TUBE1: variants seen among roughly 807,000 people sequenced by gnomAD.
The protein encoded by TUBE1 is tubulin epsilon 1, also known as tubulin epsilon chain.
Under a neutral mutation model 53.5 loss-of-function variants are expected in TUBE1, and 34 were observed. That is an observed-to-expected ratio of 0.64 (90% CI 0.48 to 0.85). The LOEUF is 0.85. Ranked by LOEUF, TUBE1 falls within the 40% of genes least tolerant of loss-of-function variation. The pLI is 0.00. For synonymous variants in TUBE1, 177 were observed against 198.4 expected, an observed-to-expected ratio of 0.89 and a Z score of 0.91; for missense variants, 532 against 570.5, an observed-to-expected ratio of 0.93 and a Z score of 0.69.
At chr6:112,079,458 C>A (rs1386781714) in intron 6 of TUBE1, 175 bp downstream of exon 6, 25 of 433,428 alleles carry the variant, frequency 5.8e-5, no homozygotes, top group Middle Eastern at 5.6e-4. Context: ...AAAATAGTGA[C>A]ATAATTCCAC....
intron 8 of TUBE1, chr6:112,075,113 G>A (rs1448504686): frequency 5.5e-6 from 1 of 182,892 alleles, no homozygotes; most frequent in Non-Finnish European, 1.1e-5. Context: ...GGTTGCCCAG[G>A]CTGGAGTGTA....
intron 4 of TUBE1, among the ~76,000 whole-genome samples, chr6:112,083,649 T>C (rs187813938): frequency 3.9e-4 from 60 of 152,276 alleles, no homozygotes; most frequent in African/African-American, 1.3e-3. Context: ...TCTTTTCTAT[T>C]ATAGTCAAAG....
chr6:112,079,351 A>G (rs1029463664), intron 6 of TUBE1: 6 of 244,112 alleles, frequency 2.5e-5, no homozygotes, highest in Non-Finnish European at 3.8e-5. Flanking sequence ...AATGTTCTGT[A>G]AAAGAAACTA....
chr6:112,076,055 T>C lies in TUBE1; in HGVS notation c.694A>G (p.Thr232Ala), dbSNP rs782757892. ...ACCAGACTCTTTGGCTTCACAGTTGTACCCAACTTTCCAGAATTCACCATG... is the reference window on the plus strand; with the variant it reads ...ACCAGACTCTTTGGCTTCACAGTTGCACCCAACTTTCCAGAATTCACCATG... ...DLMVNSGKLG[T>A]TVKPKSLVTS... Residue 232 changes from threonine to alanine, a missense_variant, in exon 8 of 12, where the codon ACA (threonine) becomes GCA (alanine). By Grantham distance (58) the Thr-to-Ala change is moderately conservative. Transcript: ENST00000368662. 2.5e-6 allele frequency: 4 copies of C among 1,613,822 alleles called. No individual in the cohort carries two copies. The highest frequency in any genetic ancestry group is 3.4e-6 in the Non-Finnish European group (4 of 1,179,888).
At position 112,071,513 on chromosome 6, in the gene TUBE1, C is replaced by T. The variant is rs1442923021; in HGVS notation, c.1327G>A (p.Ala443Thr). ...ATGAGTGCTGATAAAGATGACACAG[C>T]TTCTGTGAAACAGCTTTCTTCCATC... is the stretch of plus-strand genomic sequence containing the variant. ...EGMEESCFTE[A>T]VSSLSALIQE... is the part of the protein sequence containing the mutation. The change falls in exon 12 of 12, where the codon GCT becomes ACT. Residue 443 changes from alanine to threonine, a missense_variant. Transcript: ENST00000368662. 6.2e-7 allele frequency: 1 copy of T among 1,612,192 alleles called. No homozygotes were observed. Among genetic ancestry groups the T allele is most frequent in the African/African-American group, 1.3e-5 (1 of 74,884 alleles).
chr6:112,075,791 C>T (rs587669535), intron 8 of TUBE1, 146 bp downstream of exon 8: 12 of 664,910 alleles, frequency 1.8e-5, no homozygotes, highest in East Asian at 5.7e-5. Context: ...TAAAATTCTG[C>T]GTGATCACTC....
At position 112,075,945 on chromosome 6, in the gene TUBE1, G is replaced by A. The variant is rs1255955896; in HGVS notation, c.804C>T (p.Asn268=). 2 of 1,610,336 alleles carry A rather than the reference G, an allele frequency of 1.2e-6. No homozygotes were observed. Among genetic ancestry groups the A allele is most frequent in the African/African-American group, 2.7e-5 (2 of 74,956 alleles). ...TCCCTGGATAGAATTACCTCGTTAGGTTGAGGAGCAAATTTGCCACAATGT... is the reference window on the plus strand; with the variant it reads ...TCCCTGGATAGAATTACCTCGTTAGATTGAGGAGCAAATTTGCCACAATGT... ...MNNIVANLLL[N]LTSSARFEGS... The change falls in exon 8 of 12, where the codon AAC becomes AAT. Residue 268 remains asparagine (N), a synonymous_variant. Transcript: ENST00000368662.
Position 112,081,077 on chromosome 6 carries a change from G to A in TUBE1, c.326+15C>T, listed in dbSNP as rs782796162. 1.9e-5 allele frequency: 27 copies of A among 1,420,996 alleles called. No individual in the cohort carries two copies. Among genetic ancestry groups the A allele is most frequent in the Middle Eastern group, 1.8e-4 (1 of 5,424 alleles). 88.0% of individuals were successfully genotyped at this position (1,420,996 alleles called of 1,614,324 possible). On this transcript the variant is annotated intron_variant, in intron 5 of 11. Transcript: ENST00000368662. Reference sequence around the variant, plus strand: ...TTTTCAGAAGATATTCAATTTTTACGCTGTGTATTCTCACCAATTATTTCC... The same window carrying A: ...TTTTCAGAAGATATTCAATTTTTACACTGTGTATTCTCACCAATTATTTCC...
chr6:112,071,790 C>T (rs1776870303), intron 11 of TUBE1, 112 bp downstream of exon 11: 1 of 1,116,802 alleles, frequency 9.0e-7, no homozygotes, highest in Non-Finnish European at 1.2e-6. Context: ...ATAATCAGTA[C>T]AACGCACATA....
intron 6 of TUBE1, 174 bp downstream of exon 6, chr6:112,079,459 A>G (rs587651209): frequency 6.0e-6 from 3 of 496,408 alleles, no homozygotes; most frequent in South Asian, 7.1e-5. Flanking sequence ...AAATAGTGAC[A>G]TAATTCCACA....
At chr6:112,071,633 TAA>T in intron 11 of TUBE1, 63 bp from the exon 12 acceptor site, 3 of 1,307,526 alleles carry the variant, frequency 2.3e-6, no homozygotes, top group Non-Finnish European at 3.1e-6. Flanking sequence ...AAGACTATCC[TAA>T]AAGGTAAATA....
At chr6:112,071,757 G>A in intron 11 of TUBE1, 145 bp downstream of exon 11, 2 of 949,500 alleles carry the variant, frequency 2.1e-6, no homozygotes, top group Non-Finnish European at 3.0e-6. Context: ...AAAGTAGCAT[G>A]AGTAAGCCTC....
chr6:112,084,049 C>T, intron 4 of TUBE1, 140 bp downstream of exon 4: 1 of 669,162 alleles, frequency 1.5e-6, no homozygotes, highest in East Asian at 2.8e-5. Context: ...CAAATGTCTG[C>T]TTAGTTATAT....
At position 112,079,765 on chromosome 6, in the gene TUBE1, G is replaced by A; in HGVS notation, c.327-11C>T. ...TTGTGACCCACGGCCCTGAAAATTAGAATATGGATTTTAAAAATTCCTTGC... is the reference window on the plus strand; with the variant it reads ...TTGTGACCCACGGCCCTGAAAATTAAAATATGGATTTTAAAAATTCCTTGC... On this transcript the variant is annotated splice_polypyrimidine_tract_variant and intron_variant, in intron 5 of 11. Coordinates refer to ENST00000368662, the MANE Select transcript of TUBE1 (RefSeq NM_016262.5). 3.1e-6 allele frequency: 5 copies of A among 1,587,362 alleles called. No individual in the cohort carries two copies. The highest frequency in any genetic ancestry group is 4.3e-6 in the Non-Finnish European group (5 of 1,172,004).
In TUBE1 at chr6:112,079,624, A is replaced by C. The variant is rs1554316470; in HGVS notation, c.448+9T>G. On this transcript the variant is annotated intron_variant, in intron 6 of 11. Coordinates refer to ENST00000368662, the MANE Select transcript of TUBE1 (RefSeq NM_016262.5). ...ACACTGTTACAGGCAAATGAGTGAA[A>C]AATTTTACCTCCTCCCATGGAATGT... 1 of 1,611,082 alleles carries C rather than the reference A, an allele frequency of 6.2e-7. No homozygotes were observed. The highest frequency in any genetic ancestry group is 8.5e-7 in the Non-Finnish European group (1 of 1,178,654).
intron 8 of TUBE1, chr6:112,075,064 C>CTTTTTT (rs781833721): frequency 4.8e-5 from 8 of 165,318 alleles, no homozygotes; most frequent in Non-Finnish European, 5.7e-5. Flanking sequence ...TTTTTTTTTT[C>CTTTTTT]TTTCTTTTTT....
chr6:112,083,530 G>A (rs1191084471), intron 4 of TUBE1, among the ~76,000 whole-genome samples: 1 of 152,024 alleles, frequency 6.6e-6, no homozygotes, highest in Non-Finnish European at 1.5e-5. Context: ...ATGTTAGCCA[G>A]GATGGTCTTG....
At position 112,086,578 on chromosome 6, in the gene TUBE1, AGCT is replaced by A. The variant is rs781797360; in HGVS notation, c.127_129del (p.Ser43del). 251 of 1,612,880 alleles carry A rather than the reference AGCT, an allele frequency of 1.6e-4. No individual in the cohort carries two copies. The highest frequency in any genetic ancestry group is 2.0e-4 in the Non-Finnish European group (230 of 1,179,164). Reference sequence around the variant, plus strand: ...TACCTGGTGTCCACATTTCTAAAGAAGCTGCTTATTGCCTCATCATAAATTCCT... The same window carrying A: ...TACCTGGTGTCCACATTTCTAAAGAAGCTTATTGCCTCATCATAAATTCCT... On this transcript the variant is annotated inframe_deletion, in exon 3 of 12. Transcript: ENST00000368662.
chr6:112,087,315 G>C lies in TUBE1; in HGVS notation c.26-9C>G. ...GTTTCCGCACTGGCCGACTGCGACC[G>C]GAGGAGAGGAAGGAAAGAGAATAGG... On this transcript the variant is annotated splice_polypyrimidine_tract_variant and intron_variant, in intron 1 of 11. Transcript: ENST00000368662. 6.4e-7 allele frequency: 1 copy of C among 1,552,204 alleles called. No individual in the cohort carries two copies. Among genetic ancestry groups the C allele is most frequent in the Non-Finnish European group, 8.7e-7 (1 of 1,147,256 alleles).
Sources: allele counts gnomAD v4.1 joint callset (sites outside exome capture counted in the v4.1 genomes callset), GRCh38; gene constraint gnomAD v4.1.1; transcripts MANE v1.5; gene names NCBI Gene and HGNC (gene_info 2026-07-23, HGNC 2026-07-21).